TBATA: variants seen among roughly 807,000 people sequenced by gnomAD.
TBATA encodes protein TBATA.
TBATA carries 47 observed loss-of-function variants against 38.7 expected under a neutral mutation model. The observed-to-expected ratio is 1.21, with a 90% CI of 0.96 to 1.55. The LOEUF (loss-of-function observed/expected upper bound fraction) is 1.55, where lower values mean the gene tolerates loss of function less well. Among genes scored for constraint, TBATA ranks in the 40% most tolerant of loss-of-function variants. TBATA has a pLI of 0.00. For missense variants in TBATA, 436 were observed against 435.6 expected, an observed-to-expected ratio of 1.00 and a Z score of -0.01; for synonymous variants, 183 against 170.5, an observed-to-expected ratio of 1.07 and a Z score of -0.57.
chr10:70,775,097 G>T, intron 8 of TBATA, 92 bp downstream of exon 8: 2 of 1,255,850 alleles, frequency 1.6e-6, no homozygotes, highest in Non-Finnish European at 1.1e-6. Context: ...CAGGGTGGGA[G>T]CTGAGGGACA....
Position 70,777,009 on chromosome 10 carries a change from C to T in TBATA, c.693+144G>A, listed in dbSNP as rs1843489415. On this transcript the variant is annotated intron_variant, in intron 7 of 10. Coordinates refer to ENST00000456372, the MANE Select transcript of TBATA (RefSeq NM_001318241.2). Reference sequence around the variant, plus strand: ...TAGAGGCAGCAGGGGGTCATAGCCCCTGCTGCTGACTCCACAGGGCTGGAG... The same window carrying T: ...TAGAGGCAGCAGGGGGTCATAGCCCTTGCTGCTGACTCCACAGGGCTGGAG... The T allele has an allele frequency of 5.0e-6, 4 of 806,900 alleles. No homozygotes were observed. In the South Asian group the frequency reaches 6.8e-5, roughly 14 times the overall value. The allele number at this position is 806,900 out of a possible 1,614,324, so 50.0% of individuals were successfully genotyped here.
At chr10:70,783,246 A>C in intron 3 of TBATA, 93 bp downstream of exon 3, 5 of 1,436,574 alleles carry the variant, frequency 3.5e-6, no homozygotes, top group Non-Finnish European at 4.9e-6. Context: ...TTGGACTCCT[A>C]ATCTGTTGAG....
intron 6 of TBATA, 42 bp downstream of exon 6, chr10:70,778,515 G>A (rs369250373): frequency 1.0e-4 from 165 of 1,579,914 alleles, no homozygotes; most frequent in Non-Finnish European, 1.3e-4. Flanking sequence ...GGAAGGATCC[G>A]TTTCTCCTCT....
intron 10 of TBATA, among the ~76,000 whole-genome samples, chr10:70,771,903 C>T (rs1842829889): frequency 6.6e-6 from 1 of 152,120 alleles, no homozygotes; most frequent in Admixed American, 6.5e-5. Context: ...ACACAGTAGC[C>T]AGAGGGGGCA....
At chr10:70,778,905 G>A (rs1225837583) in intron 5 of TBATA, 2 of 544,238 alleles carry the variant, frequency 3.7e-6, no homozygotes, top group Non-Finnish European at 6.7e-6. Flanking sequence ...GGCATTTCTA[G>A]GGGATGCTGG....
chr10:70,782,342 T>C (rs1259453066), intron 3 of TBATA: 11 of 1,407,704 alleles, frequency 7.8e-6, no homozygotes, highest in Admixed American at 2.1e-5. Context: ...AAAGAGAAGC[T>C]GCAGACCCAC....
At chr10:70,777,363 C>G (rs556723828) in intron 6 of TBATA, 25 bp from the exon 7 acceptor site, 2 of 1,604,584 alleles carry the variant, frequency 1.2e-6, no homozygotes, top group Middle Eastern at 1.7e-4. Flanking sequence ...GCCAGAGACT[C>G]CAGGCAGTCA....
chr10:70,774,498 TC>T, intron 8 of TBATA, 141 bp from the exon 9 acceptor site: 1 of 742,306 alleles, frequency 1.3e-6, no homozygotes, highest in African/African-American at 1.8e-5. Context: ...TCGGGAGAGC[TC>T]CCCCTTCTCT....
chr10:70,782,132 T>G, intron 3 of TBATA, 96 bp from the exon 4 acceptor site: 16 of 1,348,152 alleles, frequency 1.2e-5, no homozygotes, highest in Non-Finnish European at 1.5e-5. Context: ...AACCCCTTCC[T>G]GAGGAGCTCT....
At chr10:70,778,207 C>G (rs554191308) in intron 6 of TBATA, among the ~76,000 whole-genome samples, 3 of 152,306 alleles carry the variant, frequency 2.0e-5, no homozygotes, top group East Asian at 1.9e-4. Flanking sequence ...TCTGCCCCCC[C>G]TCACCTTTCC....
chr10:70,774,119 C>G, intron 9 of TBATA, 94 bp downstream of exon 9: 1 of 1,526,480 alleles, frequency 6.6e-7, no homozygotes, highest in African/African-American at 1.4e-5. Context: ...CAGCCCAGAC[C>G]CTGGTCAGCG....
At chr10:70,777,087 C>T in intron 7 of TBATA, 66 bp downstream of exon 7, 1 of 1,542,206 alleles carries the variant, frequency 6.5e-7, no homozygotes, top group Non-Finnish European at 8.8e-7. Flanking sequence ...GGGCCTTGCC[C>T]TAAAGCGGTT....
intron 7 of TBATA, 130 bp downstream of exon 7, chr10:70,777,023 A>C (rs2254422): frequency 0.99 from 988,418 of 997,594 alleles, 489,712 homozygotes; most frequent in East Asian, 1. Context: ...TGCTGACTCC[A>C]CAGGGCTGGA....
In TBATA at chr10:70,784,763, A is replaced by G. The variant is rs1439953376; in HGVS notation, c.-263T>C. 1.3e-5 allele frequency: 2 copies of G among 152,202 alleles called. No homozygotes were observed. Among genetic ancestry groups the G allele is most frequent in the Non-Finnish European group, 2.9e-5 (2 of 68,036 alleles). 9.4% of individuals were successfully genotyped at this position (152,202 alleles called of 1,614,324 possible). On this transcript the variant is annotated 5_prime_UTR_variant, in exon 2 of 11. Coordinates refer to ENST00000456372, the MANE Select transcript of TBATA (RefSeq NM_001318241.2). ...GAGAACAGGATATGTGGAAGCCCCA[A>G]ATCCTCCTGCCTATGGGAAAAAGTA...
chr10:70,776,246 G>A (rs938883125), intron 7 of TBATA: 39 of 429,602 alleles, frequency 9.1e-5, no homozygotes, highest in African/African-American at 6.2e-4. Flanking sequence ...GTCCACCCTC[G>A]TCCCCAGATG....
chr10:70,771,305 G>C lies in TBATA; in HGVS notation c.*71C>G, dbSNP rs757396328. 1.2e-6 allele frequency: 2 copies of C among 1,613,564 alleles called. No homozygotes were observed. Among genetic ancestry groups the C allele is most frequent in the Non-Finnish European group, 1.7e-6 (2 of 1,179,646 alleles). ...GGGAATCAGGTACTGCTGTGAAGGT[G>C]GTGGAGACAGAAACACCCCTGAACC... On this transcript the variant is annotated 3_prime_UTR_variant, in exon 11 of 11. Coordinates refer to ENST00000456372, the MANE Select transcript of TBATA (RefSeq NM_001318241.2).
At chr10:70,781,192 T>C (rs2243780) in intron 4 of TBATA, among the ~76,000 whole-genome samples, 148,433 of 152,354 alleles carry the variant, frequency 0.97, 72,367 homozygotes, top group East Asian at 1. Flanking sequence ...CTGATCTACC[T>C]GCCTGAGACA....
chr10:70,777,357 G>A lies in TBATA; in HGVS notation c.508-19C>T. 1.9e-6 allele frequency: 3 copies of A among 1,608,254 alleles called. No homozygotes were observed. The highest frequency in any genetic ancestry group is 2.5e-6 in the Non-Finnish European group (3 of 1,177,124). On this transcript the variant is annotated intron_variant, in intron 6 of 10. Coordinates refer to ENST00000456372, the MANE Select transcript of TBATA (RefSeq NM_001318241.2). ...CCTTCTGCTGGGACAAAAGTGGCCA[G>A]AGACTCCAGGCAGTCAGCAAGAGGG...
rs1284409263 is a variant in TBATA at position 70,774,358 on chromosome 10, C to T, written c.776-1G>A. 1 of 1,588,546 alleles carries T rather than the reference C, an allele frequency of 6.3e-7. No homozygotes were observed. The highest frequency in any genetic ancestry group is 1.3e-5 in the African/African-American group (1 of 74,780). On this transcript the variant is annotated splice_acceptor_variant, in intron 8 of 10. Transcript: ENST00000456372. LOFTEE classifies it high-confidence loss of function. ...AGGAGTCCCAGAGCGAGGTCTTTTT[C>T]TGAAAGCACAGCCCGGGGGCAGTGT... is the stretch of plus-strand genomic sequence containing the variant.
Sources: allele counts gnomAD v4.1 joint callset (sites outside exome capture counted in the v4.1 genomes callset), GRCh38; gene constraint gnomAD v4.1.1; transcripts MANE v1.5; gene names NCBI Gene and HGNC (gene_info 2026-07-23, HGNC 2026-07-21).